The following ANXA8 variants were observed in gnomAD, a reference collection of about 807,000 sequenced individuals.
ANXA8 encodes the protein VAC-beta.
A neutral mutation model predicts 26.8 loss-of-function variants in ANXA8; 9 were observed. That is an observed-to-expected ratio of 0.34 (90% CI 0.20 to 0.59). The LOEUF is 0.59. Ranked by LOEUF, ANXA8 falls within the 20% of genes least tolerant of loss-of-function variation. The probability of loss-of-function intolerance (pLI) is 0.84; values close to 1 mark genes in which losing one functional copy is unlikely to be tolerated. For synonymous variants in ANXA8, 39 were observed against 94.8 expected (o/e 0.41, Z 3.42); for missense variants, 83 against 238.5 (o/e 0.35, Z 4.29).
At chr10:47,640,790 A>G in the ANXA8 span, among the ~76,000 whole-genome samples, 2 of 132,324 alleles carry the variant, frequency 1.5e-5, no homozygotes, top group African/African-American at 6.6e-5. Flanking sequence ...ATTTTTTAGT[A>G]TGAATTCCTT....
the ANXA8 span, among the ~76,000 whole-genome samples, chr10:47,585,494 A>G: frequency 2.2e-5 from 3 of 137,240 alleles, no homozygotes; most frequent in Admixed American, 7.2e-5. Context: ...CGTGGATATG[A>G]GGATGAAGGT....
At chr10:47,909,575 C>T in the ANXA8 span, among the ~76,000 whole-genome samples, 3 of 136,432 alleles carry the variant, frequency 2.2e-5, no homozygotes, top group African/African-American at 8.9e-5. Flanking sequence ...CCTTGCATAG[C>T]TGGGCTTGTC....
At chr10:47,733,143 A>ATTCTT in the ANXA8 span, among the ~76,000 whole-genome samples, 34 of 98,138 alleles carry the variant, frequency 3.5e-4, 1 homozygote, top group Admixed American at 5.3e-4. Flanking sequence ...CAACTCCCTA[A>ATTCTT]TCTTTCTTTC....
the ANXA8 span, among the ~76,000 whole-genome samples, chr10:47,568,738 C>T: frequency 7.4e-5 from 2 of 26,996 alleles, 1 homozygote; most frequent in Admixed American, 6.8e-4. Context: ...GTCAGGAGAT[C>T]GAGACCATCC....
At chr10:47,500,357 C>T in the ANXA8 span, among the ~76,000 whole-genome samples, 229 of 129,978 alleles carry the variant, frequency 1.8e-3, no homozygotes, top group African/African-American at 6.2e-3. Context: ...GCACAATGAG[C>T]GTAGCCCGTC....
upstream of ANXA8, among the ~76,000 whole-genome samples, chr10:47,486,497 G>T (rs1214854802): frequency 7.2e-6 from 1 of 138,174 alleles, no homozygotes; most frequent in Non-Finnish European, 1.6e-5. Flanking sequence ...TGACAGAGAA[G>T]CATCTGTTTC....
chr10:47,654,363 G>A, the ANXA8 span, among the ~76,000 whole-genome samples: 1 of 146,324 alleles, frequency 6.8e-6, no homozygotes, highest in African/African-American at 2.7e-5. Flanking sequence ...CAACATCAAT[G>A]AATAGGTAAT....
the ANXA8 span, among the ~76,000 whole-genome samples, chr10:47,575,811 ATG>A: frequency 4.0e-5 from 1 of 24,896 alleles, no homozygotes; most frequent in East Asian, 4.7e-4. Flanking sequence ...TACATATTAG[ATG>A]TCAGGAAGAC....
At chr10:47,565,787 G>C in the ANXA8 span, 2 of 977,276 alleles carry the variant, frequency 2.0e-6, no homozygotes, top group Non-Finnish European at 2.7e-6. Flanking sequence ...CGGGCGCCCC[G>C]GAACCCAACG....
chr10:47,727,279 A>G, the ANXA8 span, among the ~76,000 whole-genome samples: 162 of 152,190 alleles, frequency 1.1e-3, no homozygotes, highest in Non-Finnish European at 1.9e-3. Flanking sequence ...AAGATAGTCC[A>G]GTGTCAGTGG....
chr10:47,594,797 A>G, the ANXA8 span, among the ~76,000 whole-genome samples: 2 of 147,642 alleles, frequency 1.4e-5, no homozygotes, highest in Non-Finnish European at 3.0e-5. Context: ...ACTTATTGGT[A>G]TTCCTGAGAG....
chr10:47,546,213 G>GA, the ANXA8 span, among the ~76,000 whole-genome samples: 9,120 of 121,930 alleles, frequency 0.075, 825 homozygotes, highest in African/African-American at 0.16. Flanking sequence ...TCTCCTCACA[G>GA]AAAAAAAAAA....
At chr10:47,493,726 T>C in the ANXA8 span, among the ~76,000 whole-genome samples, 1 of 150,732 alleles carries the variant, frequency 6.6e-6, no homozygotes, top group African/African-American at 2.5e-5. Flanking sequence ...TGGGGACAAC[T>C]GCCCTTCCCC....
chr10:47,932,732 GTCTC>G, the ANXA8 span, among the ~76,000 whole-genome samples: 379 of 86,316 alleles, frequency 4.4e-3, 55 homozygotes, highest in Middle Eastern at 0.019. Flanking sequence ...CTGTCTTTCT[GTCTC>G]TCTCTCTCTC....
At chr10:47,668,513 T>C in the ANXA8 span, among the ~76,000 whole-genome samples, 1 of 151,424 alleles carries the variant, frequency 6.6e-6, no homozygotes, top group Non-Finnish European at 1.5e-5. Flanking sequence ...AGCATTTCTC[T>C]TGCCTCAGCC....
At chr10:47,980,210 A>G in the ANXA8 span, among the ~76,000 whole-genome samples, 2,531 of 151,330 alleles carry the variant, frequency 0.017, 18 homozygotes, top group African/African-American at 0.056. Flanking sequence ...TGAAAATTAG[A>G]AAATTATTTG....
At chr10:47,497,319 C>CA in the ANXA8 span, among the ~76,000 whole-genome samples, 274 of 94,252 alleles carry the variant, frequency 2.9e-3, 12 homozygotes, top group Non-Finnish European at 3.7e-3. Flanking sequence ...AAGTCCATCA[C>CA]AAAAAAAAAA....
the ANXA8 span, among the ~76,000 whole-genome samples, chr10:47,692,964 T>G: frequency 1.3e-5 from 2 of 151,300 alleles, no homozygotes; most frequent in Admixed American, 1.3e-4. Flanking sequence ...CGAACTCCTG[T>G]CCTCAGGTGA....
chr10:47,671,149 G>A, the ANXA8 span, among the ~76,000 whole-genome samples: 2 of 152,018 alleles, frequency 1.3e-5, no homozygotes, highest in East Asian at 1.9e-4. Context: ...TTTGCCAGGT[G>A]CAGTGGCTCA....
Sources: allele counts gnomAD v4.1 joint callset (sites outside exome capture counted in the v4.1 genomes callset), GRCh38; gene constraint gnomAD v4.1.1; transcripts MANE v1.5; gene names NCBI Gene and HGNC (gene_info 2026-07-23, HGNC 2026-07-21).